RGL1: variants seen among roughly 807,000 people sequenced by gnomAD.
RGL1 encodes ral guanine nucleotide dissociation stimulator-like 1.
Under a neutral mutation model 95.2 loss-of-function variants are expected in RGL1, and 24 were observed. The observed-to-expected ratio is 0.25, with a 90% CI of 0.18 to 0.35. The LOEUF (loss-of-function observed/expected upper bound fraction) is 0.35. RGL1 is among the 10% of genes least tolerant of loss of function. The probability of loss-of-function intolerance (pLI) is 1.00; values close to 1 mark genes in which losing one functional copy is unlikely to be tolerated. For synonymous variants in RGL1, 329 were observed against 344.9 expected (o/e 0.95, Z 0.51); for missense variants, 715 against 936.3 (o/e 0.76, Z 3.08).
chr1:183,689,842 G>T (rs113268351), intron 1 of RGL1, among the ~76,000 whole-genome samples: 1 of 152,172 alleles, frequency 6.6e-6, no homozygotes, highest in Non-Finnish European at 1.5e-5. Flanking sequence ...CATTCATTCA[G>T]CTTCTGGCAC....
At chr1:183,786,369 A>G (rs945535216) in intron 2 of RGL1, among the ~76,000 whole-genome samples, 11 of 152,230 alleles carry the variant, frequency 7.2e-5, no homozygotes, top group Non-Finnish European at 1.6e-4. Flanking sequence ...CTGAACTCCA[A>G]CCTGGGTGAC....
intron 2 of RGL1, among the ~76,000 whole-genome samples, chr1:183,790,011 C>T (rs950625638): frequency 2.6e-5 from 4 of 151,880 alleles, no homozygotes; most frequent in Middle Eastern, 3.2e-3. Flanking sequence ...GCCTCCACCT[C>T]CCGGGTTCAA....
intron 5 of RGL1, among the ~76,000 whole-genome samples, chr1:183,881,317 A>G (rs1360248409): frequency 3.9e-5 from 6 of 152,232 alleles, no homozygotes; most frequent in African/African-American, 1.4e-4. Context: ...ATGGAAAAGC[A>G]TCACTGTAAC....
chr1:183,834,963 A>G (rs1336030621), intron 2 of RGL1, among the ~76,000 whole-genome samples: 1 of 152,174 alleles, frequency 6.6e-6, no homozygotes, highest in Non-Finnish European at 1.5e-5. Context: ...GATTATATGC[A>G]TCAGCCACCA....
chr1:183,753,379 A>G (rs151103128), intron 2 of RGL1, among the ~76,000 whole-genome samples: 45 of 152,156 alleles, frequency 3.0e-4, no homozygotes, highest in African/African-American at 1.0e-3. Context: ...TATTTTTTCA[A>G]GACATATTTG....
intron 1 of RGL1, among the ~76,000 whole-genome samples, chr1:183,720,015 G>T (rs1655913069): frequency 6.6e-6 from 1 of 151,910 alleles, no homozygotes; most frequent in Non-Finnish European, 1.5e-5. Context: ...GAAGGAGAGA[G>T]GATTTAAAAT....
At chr1:183,893,300 A>G (rs1306006636) in intron 9 of RGL1, among the ~76,000 whole-genome samples, 3 of 152,354 alleles carry the variant, frequency 2.0e-5, no homozygotes, top group Middle Eastern at 3.4e-3. Context: ...TGTGATTCTT[A>G]TCCTTAATCT....
intron 14 of RGL1, among the ~76,000 whole-genome samples, chr1:183,910,774 GA>G (rs2102727017): frequency 6.6e-6 from 1 of 152,202 alleles, no homozygotes; most frequent in South Asian, 2.1e-4. Context: ...TTTTCACTTA[GA>G]GGTGAAATGT....
chr1:183,791,368 A>G (rs940681711), intron 2 of RGL1, among the ~76,000 whole-genome samples: 1 of 152,196 alleles, frequency 6.6e-6, no homozygotes, highest in Non-Finnish European at 1.5e-5. Context: ...GTGAGTAGTT[A>G]TATTTGTAGA....
chr1:183,678,131 G>A (rs539202869), intron 1 of RGL1, among the ~76,000 whole-genome samples: 1 of 152,060 alleles, frequency 6.6e-6, no homozygotes, highest in South Asian at 2.1e-4. Flanking sequence ...ACACTGTGCA[G>A]TTTTTTTTCT....
chr1:183,849,483 GTTTTTT>G (rs1418103960), intron 3 of RGL1, among the ~76,000 whole-genome samples: 2 of 120,852 alleles, frequency 1.7e-5, no homozygotes, highest in Admixed American at 1.0e-4. Flanking sequence ...CCAGTTTTTA[GTTTTTT>G]TTTTTTTTTT....
chr1:183,876,191 G>A (rs1044823287), intron 4 of RGL1, among the ~76,000 whole-genome samples: 2 of 152,204 alleles, frequency 1.3e-5, no homozygotes, highest in East Asian at 1.9e-4. Flanking sequence ...AATTGTTTTT[G>A]TGACTCTGGG....
intron 2 of RGL1, among the ~76,000 whole-genome samples, chr1:183,842,880 T>A (rs1260025314): frequency 2.0e-5 from 3 of 152,240 alleles, no homozygotes; most frequent in Non-Finnish European, 4.4e-5. Context: ...TACAGACCTA[T>A]AGGAATCTTT....
intron 9 of RGL1, among the ~76,000 whole-genome samples, chr1:183,895,519 A>G (rs1243632929): frequency 1.3e-5 from 2 of 152,186 alleles, no homozygotes; most frequent in East Asian, 1.9e-4. Context: ...ATGAGATTGG[A>G]TAGTATTTCC....
At chr1:183,850,979 C>T (rs1664792872) in intron 3 of RGL1, among the ~76,000 whole-genome samples, 1 of 152,172 alleles carries the variant, frequency 6.6e-6, no homozygotes, top group South Asian at 2.1e-4. Flanking sequence ...AGGACATATA[C>T]ACACAGGAAC....
chr1:183,707,526 G>A (rs1204421126), intron 1 of RGL1, among the ~76,000 whole-genome samples: 1 of 152,180 alleles, frequency 6.6e-6, no homozygotes, highest in Non-Finnish European at 1.5e-5. Flanking sequence ...AGTATGGGAA[G>A]GAGAGAAGGA....
At chr1:183,701,355 T>A (rs1654587060) in intron 1 of RGL1, among the ~76,000 whole-genome samples, 1 of 152,216 alleles carries the variant, frequency 6.6e-6, no homozygotes, top group Non-Finnish European at 1.5e-5. Context: ...GTTATTAGTC[T>A]AAACCCTCAT....
intron 2 of RGL1, among the ~76,000 whole-genome samples, chr1:183,823,912 G>T (rs1023490927): frequency 6.6e-6 from 1 of 151,970 alleles, no homozygotes; most frequent in Non-Finnish European, 1.5e-5. Flanking sequence ...TCAGCCTCCT[G>T]GATGGCTAGG....
intron 2 of RGL1, among the ~76,000 whole-genome samples, chr1:183,744,971 A>G (rs1657532656): frequency 6.6e-6 from 1 of 152,192 alleles, no homozygotes; most frequent in Admixed American, 6.6e-5. Context: ...CTCTGAAATG[A>G]GGCCATGAGT....
Sources: gnomAD v4.1 joint callset for allele counts (sites outside exome capture counted in the v4.1 genomes callset) on GRCh38, gnomAD v4.1.1 for gene constraint, MANE v1.5 for transcripts, NCBI Gene and HGNC (gene_info 2026-07-23, HGNC 2026-07-21) for gene names.